USP15: variants seen among roughly 807,000 people sequenced by gnomAD.
USP15 encodes the protein ubiquitin carboxyl-terminal hydrolase 15.
Under a neutral mutation model 127.1 loss-of-function variants are expected in USP15, and 18 were observed. That is an observed-to-expected ratio of 0.14 (90% CI 0.10 to 0.21). USP15 has a LOEUF of 0.21. USP15 is among the 10% of genes least tolerant of loss of function. The probability of loss-of-function intolerance (pLI) is 1.00; values close to 1 mark genes in which losing one functional copy is unlikely to be tolerated. For synonymous variants in USP15, 364 were observed against 393.7 expected (o/e 0.92, Z 0.89); for missense variants, 805 against 1,159.9 (o/e 0.69, Z 4.44).
chr12:62,275,425 G>A (rs2063464189), intron 1 of USP15, among the ~76,000 whole-genome samples: 1 of 151,682 alleles, frequency 6.6e-6, no homozygotes, highest in East Asian at 1.9e-4. Flanking sequence ...GAATTACAGA[G>A]GCTAATTTTT....
rs540067827 is a variant in USP15, at chr12:62,260,500, C to T, written c.86C>T (p.Thr29Ile). Residue 29 changes from threonine to isoleucine, a missense_variant, in exon 1 of 22, where the codon ACC (threonine) becomes ATC (isoleucine). Transcript: ENST00000280377. ...AAAACCTCGCTCCGGAAAGGGGACA[C>T]CTGGTAAGAGAAAGGGGTTGAGATG... ...LLKTSLRKGD[T>I]WYLVDSRWFK... 1.1e-5 allele frequency: 17 copies of T among 1,551,196 alleles called. No individual in the cohort carries two copies. In the South Asian group the frequency reaches 1.9e-4, roughly 17 times the overall value.
intron 4 of USP15, among the ~76,000 whole-genome samples, chr12:62,318,990 A>T (rs1409430918): frequency 6.6e-6 from 1 of 151,716 alleles, no homozygotes; most frequent in African/African-American, 2.4e-5. Flanking sequence ...CCCACCTTTG[A>T]CCTTGAATTA....
chr12:62,371,768 T>C (rs1424236438), intron 8 of USP15, among the ~76,000 whole-genome samples: 1 of 152,254 alleles, frequency 6.6e-6, no homozygotes, highest in Non-Finnish European at 1.5e-5. Context: ...TTATCTTCCA[T>C]ATAGATTTAG....
intron 6 of USP15, among the ~76,000 whole-genome samples, chr12:62,348,735 A>AT (rs2065889010): frequency 6.6e-6 from 1 of 152,150 alleles, no homozygotes; most frequent in Non-Finnish European, 1.5e-5. Context: ...CAAATATAGC[A>AT]TATTGGGATT....
chr12:62,397,608 C>T (rs904897154), intron 20 of USP15, among the ~76,000 whole-genome samples: 1 of 151,230 alleles, frequency 6.6e-6, no homozygotes, highest in African/African-American at 2.4e-5. Flanking sequence ...CCTGTGATCC[C>T]AACACTTTGG....
Position 62,376,264 on chromosome 12 carries a change from T to G in USP15, c.916-5226T>G, listed in dbSNP as rs2066824576. On this transcript the variant is annotated intron_variant, in intron 8 of 21. Transcript: ENST00000280377. ...GTACATTTACTTGTTAATATAAATT[T>G]TTTTCTTTTTCTCTTTTTCATTAAA... 2.0e-5 allele frequency among the ~76,000 whole-genome samples: 3 copies of G among 152,112 alleles called. 1 individual carries two copies. In the South Asian group the frequency reaches 6.2e-4, roughly 31 times the overall value.
At chr12:62,379,078 T>A (rs2066913414) in intron 8 of USP15, among the ~76,000 whole-genome samples, 1 of 151,732 alleles carries the variant, frequency 6.6e-6, no homozygotes, top group Non-Finnish European at 1.5e-5. Context: ...AAATAAGTGC[T>A]GTAATAAAAG....
chr12:62,399,392 A>G (rs2067604415), intron 20 of USP15, among the ~76,000 whole-genome samples: 1 of 151,884 alleles, frequency 6.6e-6, no homozygotes, highest in Admixed American at 6.5e-5. Context: ...GGGTACAGTC[A>G]TATTAGTTGT....
chr12:62,390,038 A>G, intron 14 of USP15, 50 bp downstream of exon 14: 1 of 1,447,432 alleles, frequency 6.9e-7, no homozygotes, highest in Non-Finnish European at 9.2e-7. Flanking sequence ...GGAATAAAAT[A>G]TAAAATAGCT....
At chr12:62,350,384 C>G (rs187631930) in intron 7 of USP15, among the ~76,000 whole-genome samples, 2 of 151,888 alleles carry the variant, frequency 1.3e-5, no homozygotes, top group African/African-American at 4.8e-5. Context: ...TAGACTAATA[C>G]GAATGGGCAG....
Position 62,391,196 on chromosome 12 carries a change from A to G in USP15, c.2000A>G (p.Gln667Arg). ...GATGAGCCAGATGATGAATCCAGCCAGGATCAAGAACTTCCCTCAGAGAAT... is the reference window on the plus strand; with the variant it reads ...GATGAGCCAGATGATGAATCCAGCCGGGATCAAGAACTTCCCTCAGAGAAT... ...ETDEPDDESS[Q>R]DQELPSENEN... Residue 667 changes from glutamine to arginine, a missense_variant, in exon 16 of 22, where the codon CAG (glutamine) becomes CGG (arginine). By Grantham distance (43) the Gln-to-Arg change is conservative (BLOSUM62 1). Coordinates refer to ENST00000280377, the MANE Select transcript of USP15 (RefSeq NM_001252078.2). 1.2e-6 allele frequency: 2 copies of G among 1,613,566 alleles called. No individual in the cohort carries two copies. The highest frequency in any genetic ancestry group is 1.7e-6 in the Non-Finnish European group (2 of 1,179,736).
intron 8 of USP15, among the ~76,000 whole-genome samples, chr12:62,370,532 TC>T (rs1204519344): frequency 2.6e-5 from 4 of 152,184 alleles, no homozygotes; most frequent in Non-Finnish European, 5.9e-5. Flanking sequence ...CGTAGTTTCT[TC>T]ATCTGTGAAA....
Position 62,369,622 on chromosome 12 carries a change from G to A in USP15, c.916-11868G>A, listed in dbSNP as rs1007677723. Among the ~76,000 whole-genome samples the A allele has an allele frequency of 3.9e-5, 6 of 152,062 alleles. No homozygotes were observed. The South Asian group carries it at 1.2e-3, about 32-fold the overall frequency. ...ATGCCTCAATTATATACCGGATTTGGTGTATACCACATAATGCTGCTTCTG... is the reference window on the plus strand; with the variant it reads ...ATGCCTCAATTATATACCGGATTTGATGTATACCACATAATGCTGCTTCTG... On this transcript the variant is annotated intron_variant, in intron 8 of 21. Coordinates refer to ENST00000280377, the MANE Select transcript of USP15 (RefSeq NM_001252078.2).
At chr12:62,355,972 G>C (rs2066115719) in intron 8 of USP15, among the ~76,000 whole-genome samples, 1 of 150,018 alleles carries the variant, frequency 6.7e-6, no homozygotes, top group African/African-American at 2.4e-5. Context: ...CTTTTCCCCT[G>C]CCCCCACCCC....
At chr12:62,324,845 CCA>C (rs2065084107) in intron 5 of USP15, among the ~76,000 whole-genome samples, 1 of 151,634 alleles carries the variant, frequency 6.6e-6, no homozygotes, top group Admixed American at 6.6e-5. Context: ...GCTCTAAATG[CCA>C]ATTTATAAAT....
At chr12:62,294,475 G>C in intron 2 of USP15, 169 bp downstream of exon 2, 1 of 639,898 alleles carries the variant, frequency 1.6e-6, no homozygotes, top group Non-Finnish European at 2.4e-6. Flanking sequence ...AATTTTATTA[G>C]TTATTATTCT....
chr12:62,302,749 G>A, intron 2 of USP15, 41 bp from the exon 3 acceptor site: 4 of 1,570,000 alleles, frequency 2.5e-6, no homozygotes, highest in Non-Finnish European at 3.5e-6. Context: ...TCCAAACAAA[G>A]TATTTAGAGT....
intron 6 of USP15, among the ~76,000 whole-genome samples, chr12:62,340,791 C>A (rs769545840): frequency 3.3e-5 from 5 of 152,096 alleles, no homozygotes; most frequent in African/African-American, 4.8e-5. Flanking sequence ...TGTTTTACTT[C>A]CATTTATGTG....
At chr12:62,267,479 G>A (rs903142454) in intron 1 of USP15, among the ~76,000 whole-genome samples, 1 of 152,074 alleles carries the variant, frequency 6.6e-6, no homozygotes, top group Non-Finnish European at 1.5e-5. Flanking sequence ...TGTCTAGACT[G>A]CCTTTACTAC....
Sources: gnomAD v4.1 joint callset for allele counts (sites outside exome capture counted in the v4.1 genomes callset) on GRCh38, gnomAD v4.1.1 for gene constraint, MANE v1.5 for transcripts, NCBI Gene and HGNC (gene_info 2026-07-23, HGNC 2026-07-21) for gene names.